The following MTMR8 variants were observed in gnomAD, a reference collection of about 807,000 sequenced individuals.
MTMR8 encodes myotubularin related protein 8, also known as phosphatidylinositol-3,5-bisphosphate 3-phosphatase MTMR8.
A neutral mutation model predicts 39.3 loss-of-function variants in MTMR8; 65 were observed. The observed-to-expected ratio is 1.65, with a 90% confidence interval of 1.35 to 2.03. The LOEUF is 2.03. Ranked by LOEUF, MTMR8 falls within the 30% of genes most tolerant of loss-of-function variation. The pLI, the probability that MTMR8 is intolerant of heterozygous loss-of-function variation, is 0.00. For synonymous variants in MTMR8, 245 were observed against 185.2 expected, an observed-to-expected ratio of 1.32 and a Z score of -2.62; for missense variants, 777 against 538.9, an observed-to-expected ratio of 1.44 and a Z score of -4.37.
intron 12 of MTMR8, 98 bp from the exon 13 acceptor site, chrX:64,271,171 G>A: frequency 1.1e-6 from 1 of 902,581 alleles, no homozygotes; most frequent in Non-Finnish European, 1.5e-6. Context: ...GGCTTAGTAG[G>A]TGGGAAAATC....
chrX:64,374,735 G>A lies in MTMR8; in HGVS notation c.25-15208C>T, dbSNP rs192298900. Reference sequence around the variant, plus strand: ...TACCCTATTTGGAAAAGGGGTCTTTGCAGATATAAGTAAGTTAAAGATCTA... The same window carrying A: ...TACCCTATTTGGAAAAGGGGTCTTTACAGATATAAGTAAGTTAAAGATCTA... On this transcript the variant is annotated intron_variant, in intron 1 of 13. Transcript: ENST00000374852. Among the ~76,000 whole-genome samples the A allele has an allele frequency of 2.9e-3, 321 of 111,199 alleles. 2 individuals carry two copies. The highest frequency in any genetic ancestry group is 4.6e-3 in the Non-Finnish European group (243 of 53,007).
chrX:64,337,636 A>G (rs1351813829), intron 8 of MTMR8, among the ~76,000 whole-genome samples: 1 of 111,861 alleles, frequency 8.9e-6, no homozygotes, highest in Non-Finnish European at 1.9e-5. Context: ...GGGCAAAAAG[A>G]AAGATGAGGG....
intron 12 of MTMR8, among the ~76,000 whole-genome samples, chrX:64,275,611 T>C (rs1209183868): frequency 1.1e-5 from 1 of 94,543 alleles, no homozygotes; most frequent in East Asian, 3.2e-4. Context: ...TTGAGCCTCG[T>C]CCAGTCTGCA....
rs1288778647 is a variant in MTMR8 at position 64,268,518 on chromosome X, T to A, written c.*19A>T. The A allele has an allele frequency of 8.4e-7, 1 of 1,188,698 alleles. No individual in the cohort carries two copies. The highest frequency in any genetic ancestry group is 2.4e-4 in the Middle Eastern group (1 of 4,163). Reference sequence around the variant, plus strand: ...GTAGCTGCTGTAGGTATACCTAGCATGGAAGATGAGTAACTAACTCACTGA... The same window carrying A: ...GTAGCTGCTGTAGGTATACCTAGCAAGGAAGATGAGTAACTAACTCACTGA... On this transcript the variant is annotated 3_prime_UTR_variant, in exon 14 of 14. Coordinates refer to ENST00000374852, the MANE Select transcript of MTMR8 (RefSeq NM_017677.4).
intron 12 of MTMR8, among the ~76,000 whole-genome samples, chrX:64,276,404 T>G (rs926753384): frequency 3.6e-5 from 4 of 111,688 alleles, no homozygotes; most frequent in Non-Finnish European, 7.5e-5. Flanking sequence ...TCTTTCCTGC[T>G]TTCCCCTGTG....
At chrX:64,314,657 A>G (rs1332538190) in intron 12 of MTMR8, among the ~76,000 whole-genome samples, 1 of 112,823 alleles carries the variant, frequency 8.9e-6, no homozygotes, top group African/African-American at 3.2e-5. Flanking sequence ...GTGGCACAGC[A>G]TGGTTCAGTG....
chrX:64,334,716 T>C (rs1363894123), intron 10 of MTMR8, among the ~76,000 whole-genome samples: 2 of 110,355 alleles, frequency 1.8e-5, no homozygotes, highest in African/African-American at 6.6e-5. Context: ...AAACACGTAA[T>C]CCTGTTTAAT....
intron 1 of MTMR8, among the ~76,000 whole-genome samples, chrX:64,361,564 T>G (rs992175605): frequency 9.0e-6 from 1 of 111,181 alleles, no homozygotes; most frequent in Non-Finnish European, 1.9e-5. Context: ...TCACCAAGAC[T>G]AAAAAGAAAA....
intron 1 of MTMR8, among the ~76,000 whole-genome samples, chrX:64,360,724 A>G (rs1410658414): frequency 1.8e-5 from 2 of 111,981 alleles, no homozygotes; most frequent in African/African-American, 6.5e-5. Flanking sequence ...AGGAAAGGAA[A>G]CTAAGAAATA....
intron 12 of MTMR8, among the ~76,000 whole-genome samples, chrX:64,281,886 C>T (rs1932022602): frequency 9.4e-6 from 1 of 105,874 alleles, no homozygotes; most frequent in African/African-American, 3.6e-5. Context: ...AAAAACAACC[C>T]CATCAAAAAG....
chrX:64,346,374 A>G (rs1923350777), intron 6 of MTMR8, among the ~76,000 whole-genome samples: 1 of 111,178 alleles, frequency 9.0e-6, no homozygotes, highest in African/African-American at 3.3e-5. Context: ...ACAATGCAAG[A>G]CATCTGTTAA....
At chrX:64,370,870 A>T (rs1234809844) in intron 1 of MTMR8, among the ~76,000 whole-genome samples, 1 of 112,120 alleles carries the variant, frequency 8.9e-6, no homozygotes, top group East Asian at 2.8e-4. Context: ...TATCCAAGAC[A>T]GACCAGGTAT....
At chrX:64,389,517 G>C (rs935725798) in intron 1 of MTMR8, among the ~76,000 whole-genome samples, 12 of 111,933 alleles carry the variant, frequency 1.1e-4, no homozygotes, top group Admixed American at 6.6e-4. Flanking sequence ...GTGGGTTTTG[G>C]TGGTGAGGAA....
intron 12 of MTMR8, among the ~76,000 whole-genome samples, chrX:64,288,027 A>C (rs1265503022): frequency 1.6e-5 from 1 of 64,190 alleles, no homozygotes; most frequent in Non-Finnish European, 3.0e-5. Flanking sequence ...AAAAAAAAAA[A>C]AAAAAAAAAA....
intron 1 of MTMR8, among the ~76,000 whole-genome samples, chrX:64,391,659 TA>T (rs1034161034): frequency 1.1e-4 from 12 of 112,427 alleles, no homozygotes; most frequent in African/African-American, 3.6e-4. Context: ...GACTGGTAGC[TA>T]AATTAAGCAT....
chrX:64,350,547 C>A (rs1181691682), intron 4 of MTMR8, among the ~76,000 whole-genome samples: 2 of 111,444 alleles, frequency 1.8e-5, no homozygotes, highest in South Asian at 3.8e-4. Context: ...AGCTTTTATA[C>A]CAAGGATATT....
At chrX:64,376,923 G>C (rs1055225136) in intron 1 of MTMR8, among the ~76,000 whole-genome samples, 2 of 111,682 alleles carry the variant, frequency 1.8e-5, no homozygotes, top group African/African-American at 3.3e-5. Context: ...ACACAGCCTC[G>C]GGACACTGCT....
chrX:64,288,239 A>G (rs1473379982), intron 12 of MTMR8, among the ~76,000 whole-genome samples: 2 of 110,300 alleles, frequency 1.8e-5, no homozygotes, highest in Admixed American at 1.9e-4. Context: ...TTATGCAGCC[A>G]ACAGCTACAT....
At position 64,359,483 on chromosome X, in the gene MTMR8, TG is replaced by T; in HGVS notation, c.68del (p.Pro23GlnfsTer13). On this transcript the variant is annotated frameshift_variant, in exon 2 of 14. Coordinates refer to ENST00000374852, the MANE Select transcript of MTMR8 (RefSeq NM_017677.4). LOFTEE classifies it high-confidence loss of function. ...KLVDRYVSKK[P>X]ANGILYLTAT... ...CAGTAAGATAAAGAATCCCATTAGC[TG>T]GTTTCTTACTCACATAACGATCCAC... is the stretch of plus-strand genomic sequence containing the variant. 8.3e-7 allele frequency: 1 copy of T among 1,207,261 alleles called. No individual in the cohort carries two copies. The highest frequency in any genetic ancestry group is 1.1e-6 in the Non-Finnish European group (1 of 892,449).
Sources: allele counts gnomAD v4.1 joint callset (sites outside exome capture counted in the v4.1 genomes callset), GRCh38; gene constraint gnomAD v4.1.1; transcripts MANE v1.5; gene names NCBI Gene and HGNC (gene_info 2026-07-23, HGNC 2026-07-21).